The following DIAPH3 variants were observed in gnomAD, a reference collection of about 807,000 sequenced individuals.
The protein encoded by DIAPH3 is protein diaphanous homolog 3.
Under a neutral mutation model 144.3 loss-of-function variants are expected in DIAPH3, and 117 were observed. That is an observed-to-expected ratio of 0.81 (90% CI 0.70 to 0.95). The LOEUF (loss-of-function observed/expected upper bound fraction) is 0.95. Among genes scored for constraint, DIAPH3 ranks in the 40% least tolerant of loss-of-function variants. DIAPH3 has a pLI of 0.00. For missense variants in DIAPH3, 1,421 were observed against 1,412.7 expected (o/e 1.01, Z -0.09); for synonymous variants, 519 against 488.9 (o/e 1.06, Z -0.81).
At chr13:59,760,509 A>G (rs1269975830) in intron 27 of DIAPH3, among the ~76,000 whole-genome samples, 1 of 152,188 alleles carries the variant, frequency 6.6e-6, no homozygotes, top group African/African-American at 2.4e-5. Flanking sequence ...ATACAACAAG[A>G]TGTTTTAACA....
rs539550720 is a variant in DIAPH3 at position 60,065,581 on chromosome 13, A to C, written c.496-22761T>G. ...GAGAGAGAGATGAAACAATTCCACT[A>C]ATTTAAGAGATACACTGCTGTTACA... is the stretch of plus-strand genomic sequence containing the variant. On this transcript the variant is annotated intron_variant, in intron 4 of 27. Coordinates refer to ENST00000400324, the MANE Select transcript of DIAPH3 (RefSeq NM_001042517.2). Among the ~76,000 whole-genome samples the C allele has an allele frequency of 3.9e-5, 6 of 152,288 alleles. No homozygotes were observed. The East Asian group carries it at 1.2e-3, about 29-fold the overall frequency.
At chr13:59,811,590 A>G (rs1332935318) in intron 24 of DIAPH3, among the ~76,000 whole-genome samples, 1 of 151,964 alleles carries the variant, frequency 6.6e-6, no homozygotes, top group Non-Finnish European at 1.5e-5. Context: ...TACAAAAATT[A>G]GCTGGGTGTG....
intron 27 of DIAPH3, among the ~76,000 whole-genome samples, chr13:59,758,899 C>T (rs558458147): frequency 2.7e-4 from 41 of 151,608 alleles, no homozygotes; most frequent in South Asian, 4.2e-4. Flanking sequence ...CCTATCTCAG[C>T]CTCCTGAGTA....
intron 1 of DIAPH3, among the ~76,000 whole-genome samples, chr13:60,136,948 A>T (rs942629791): frequency 1.4e-5 from 2 of 144,476 alleles, no homozygotes; most frequent in African/African-American, 2.6e-5. Context: ...TCAAAAAAAA[A>T]AAAAATAATA....
chr13:59,697,459 CAAAAAAAAAAAA>C lies in DIAPH3; in HGVS notation c.3320-30625_3320-30614del, dbSNP rs58372882. Among the ~76,000 whole-genome samples, 281 of 31,190 alleles carry C rather than the reference CAAAAAAAAAAAA, an allele frequency of 9.0e-3. 4 individuals carry two copies. The highest frequency in any genetic ancestry group is 0.013 in the Non-Finnish European group (235 of 17,684). 20.5% of individuals were successfully genotyped at this position (31,190 alleles called of 152,430 possible). A position where few individuals can be genotyped will look rare whatever the true frequency, so the allele number is the denominator to read the frequency against. Reference sequence around the variant, plus strand: ...TGGGCGACAGAGCGAGACACTGTCTCAAAAAAAAAAAAAAAAAAAAAAAAAAAAAAAAAAGAA... The same window carrying C: ...TGGGCGACAGAGCGAGACACTGTCTCAAAAAAAAAAAAAAAAAAAAAAGAA... On this transcript the variant is annotated intron_variant, in intron 27 of 27. Transcript: ENST00000400324.
At chr13:60,004,455 C>T (rs2052735355) in intron 9 of DIAPH3, among the ~76,000 whole-genome samples, 1 of 152,090 alleles carries the variant, frequency 6.6e-6, no homozygotes, top group African/African-American at 2.4e-5. Flanking sequence ...CCTAAGTTAG[C>T]ACTATAGAAA....
intron 17 of DIAPH3, among the ~76,000 whole-genome samples, chr13:59,940,535 T>G (rs2048476642): frequency 6.6e-6 from 1 of 152,214 alleles, no homozygotes; most frequent in Non-Finnish European, 1.5e-5. Context: ...CTAAAATGTT[T>G]GAATAAATCA....
chr13:59,908,367 C>G (rs997239405), intron 20 of DIAPH3, among the ~76,000 whole-genome samples: 13 of 27,728 alleles, frequency 4.7e-4, no homozygotes, highest in African/African-American at 1.2e-3. Flanking sequence ...TAGACTCTGT[C>G]TCAAAAAAAA....
chr13:59,719,832 A>C (rs1451816891), intron 27 of DIAPH3, among the ~76,000 whole-genome samples: 1 of 152,160 alleles, frequency 6.6e-6, no homozygotes, highest in Non-Finnish European at 1.5e-5. Flanking sequence ...GAGGGAACCC[A>C]AGTCTGTGAT....
chr13:59,812,244 GCATGCATC>G (rs1474683233), intron 24 of DIAPH3, among the ~76,000 whole-genome samples: 4 of 53,440 alleles, frequency 7.5e-5, no homozygotes, highest in Admixed American at 2.6e-4. Flanking sequence ...ACTCATGCAT[GCATGCATC>G]CATCCATCCA....
intron 13 of DIAPH3, among the ~76,000 whole-genome samples, chr13:59,982,198 A>C (rs1370147639): frequency 6.6e-6 from 1 of 151,458 alleles, no homozygotes; most frequent in Non-Finnish European, 1.5e-5. Context: ...AAATACAATT[A>C]ATTTATTAAA....
intron 25 of DIAPH3, among the ~76,000 whole-genome samples, chr13:59,797,950 T>C (rs1385967795): frequency 6.6e-6 from 1 of 152,194 alleles, no homozygotes; most frequent in Non-Finnish European, 1.5e-5. Context: ...TTTCTTACCC[T>C]ATGCCAGGCC....
intron 27 of DIAPH3, among the ~76,000 whole-genome samples, chr13:59,697,995 AT>A (rs987431176): frequency 6.6e-6 from 1 of 152,012 alleles, no homozygotes; most frequent in African/African-American, 2.4e-5. Flanking sequence ...CACTCCTGGC[AT>A]TTTTTTTACA....
In DIAPH3 at chr13:60,093,622, A is replaced by G; in HGVS notation, c.495+6T>C. Reference sequence around the variant, plus strand: ...CAGTATTTTTCAACTTGACAGTTTTACTTACTGTCTTAGAAGCAGTATTAA... The same window carrying G: ...CAGTATTTTTCAACTTGACAGTTTTGCTTACTGTCTTAGAAGCAGTATTAA... On this transcript the variant is annotated splice_donor_region_variant and intron_variant, in intron 4 of 27. Coordinates refer to ENST00000400324, the MANE Select transcript of DIAPH3 (RefSeq NM_001042517.2). 6.4e-7 allele frequency: 1 copy of G among 1,567,836 alleles called. No individual in the cohort carries two copies. Among genetic ancestry groups the G allele is most frequent in the Non-Finnish European group, 8.8e-7 (1 of 1,139,384 alleles).
rs2034656933 is a variant in DIAPH3 at position 59,710,204 on chromosome 13, C to A, written c.3320-43358G>T. Among the ~76,000 whole-genome samples the A allele has an allele frequency of 1.3e-5, 2 of 150,066 alleles. 1 individual carries two copies. The highest frequency in any genetic ancestry group is 4.9e-5 in the African/African-American group (2 of 40,726). On this transcript the variant is annotated intron_variant, in intron 27 of 27. Coordinates refer to ENST00000400324, the MANE Select transcript of DIAPH3 (RefSeq NM_001042517.2). ...GGCACATGTATACATATGTAACTAACCTGCACATTGTGCACATGTACCCTA... is the reference window on the plus strand; with the variant it reads ...GGCACATGTATACATATGTAACTAAACTGCACATTGTGCACATGTACCCTA...
rs919155395 is a variant in DIAPH3, at chr13:60,063,883, C to T, written c.496-21063G>A. On this transcript the variant is annotated intron_variant, in intron 4 of 27. Transcript: ENST00000400324. Reference sequence around the variant, plus strand: ...GGCGGAGGTTGCAGTGAGCCAAGATCGCACCATTGCACTCCAGCCTGAGCA... The same window carrying T: ...GGCGGAGGTTGCAGTGAGCCAAGATTGCACCATTGCACTCCAGCCTGAGCA... Among the ~76,000 whole-genome samples the T allele has an allele frequency of 7.9e-5, 12 of 151,994 alleles. No individual in the cohort carries two copies. In the South Asian group the frequency reaches 8.3e-4, roughly 11 times the overall value.
At chr13:60,134,295 A>AG (rs1183360606) in intron 1 of DIAPH3, among the ~76,000 whole-genome samples, 3 of 152,196 alleles carry the variant, frequency 2.0e-5, no homozygotes, top group African/African-American at 7.2e-5. Context: ...GGATTAACTA[A>AG]GGGTTAGTAT....
chr13:59,869,604 C>T (rs1032629089), intron 21 of DIAPH3, among the ~76,000 whole-genome samples: 4 of 152,186 alleles, frequency 2.6e-5, no homozygotes, highest in African/African-American at 9.6e-5. Flanking sequence ...GATGTTGCAT[C>T]TTTCCAGTAC....
intron 27 of DIAPH3, among the ~76,000 whole-genome samples, chr13:59,714,157 G>A (rs2034903885): frequency 6.6e-6 from 1 of 151,854 alleles, no homozygotes; most frequent in African/African-American, 2.4e-5. Flanking sequence ...TCAGGAGATC[G>A]AGACCATCCC....
Sources: allele counts gnomAD v4.1 joint callset (sites outside exome capture counted in the v4.1 genomes callset), GRCh38; gene constraint gnomAD v4.1.1; transcripts MANE v1.5; gene names NCBI Gene and HGNC (gene_info 2026-07-23, HGNC 2026-07-21).